CNTNAP4: variants seen among roughly 807,000 people sequenced by gnomAD.
CNTNAP4 encodes contactin-associated protein-like 4.
A neutral mutation model predicts 148.4 loss-of-function variants in CNTNAP4; 98 were observed. The observed-to-expected ratio is 0.66, with a 90% CI of 0.56 to 0.78. CNTNAP4 has a LOEUF of 0.78. Ranked by LOEUF, CNTNAP4 falls within the 30% of genes least tolerant of loss-of-function variation. The probability of loss-of-function intolerance (pLI) is 0.00; values close to 1 mark genes in which losing one functional copy is unlikely to be tolerated. For synonymous variants in CNTNAP4, 730 were observed against 565.1 expected (o/e 1.29, Z -4.14); for missense variants, 1,935 against 1,565.6 (o/e 1.24, Z -3.98).
At position 76,507,944 on chromosome 16, in the gene CNTNAP4, A is replaced by T. The variant is rs541058586; in HGVS notation, c.2365+9250A>T. Among the ~76,000 whole-genome samples the T allele has an allele frequency of 1.1e-3, 103 of 96,906 alleles. 43 individuals carry two copies. Among genetic ancestry groups the T allele is most frequent in the Non-Finnish European group, 2.5e-3 (85 of 34,180 alleles). The allele number at this position is 96,906 out of a possible 152,430, so 63.6% of individuals were successfully genotyped here. On this transcript the variant is annotated intron_variant, in intron 15 of 23. Transcript: ENST00000611870. ...TAATTCTTTTACCAAACCCTTTCAC[A>T]CTCAGATTAAAACTCTTCCACCATG...
intron 2 of CNTNAP4, among the ~76,000 whole-genome samples, chr16:76,317,508 A>AC (rs2144104339): frequency 6.6e-6 from 1 of 152,344 alleles, no homozygotes; most frequent in Non-Finnish European, 1.5e-5. Context: ...TTGGAGGAAA[A>AC]CACGCTTGGC....
At chr16:76,548,222 C>T (rs138491589) in intron 21 of CNTNAP4, among the ~76,000 whole-genome samples, 1 of 151,422 alleles carries the variant, frequency 6.6e-6, no homozygotes, top group Admixed American at 6.6e-5. Flanking sequence ...TGTGTTGAGT[C>T]CCTGGTGGAA....
At chr16:76,460,021 GA>G (rs1411215815) in intron 8 of CNTNAP4, among the ~76,000 whole-genome samples, 3 of 152,084 alleles carry the variant, frequency 2.0e-5, no homozygotes, top group Admixed American at 2.0e-4. Context: ...TATAAACTTG[GA>G]AAATATGTAA....
At chr16:76,463,591 C>G (rs1455533580) in intron 9 of CNTNAP4, among the ~76,000 whole-genome samples, 4 of 152,052 alleles carry the variant, frequency 2.6e-5, no homozygotes, top group African/African-American at 9.7e-5. Context: ...AGAAAAGTTG[C>G]AAAAATATAG....
chr16:76,324,055 G>C (rs1469466981), intron 2 of CNTNAP4, among the ~76,000 whole-genome samples: 1 of 152,102 alleles, frequency 6.6e-6, no homozygotes, highest in Non-Finnish European at 1.5e-5. Flanking sequence ...AATCTTTAAA[G>C]CATGTGAGTA....
At chr16:76,429,162 G>A (rs574231663) in intron 4 of CNTNAP4, among the ~76,000 whole-genome samples, 39 of 152,162 alleles carry the variant, frequency 2.6e-4, no homozygotes, top group African/African-American at 6.0e-4. Flanking sequence ...AGTTCCTCAC[G>A]TCACAATTAG....
At chr16:76,323,271 A>G (rs1167028815) in intron 2 of CNTNAP4, among the ~76,000 whole-genome samples, 4 of 144,266 alleles carry the variant, frequency 2.8e-5, no homozygotes, top group African/African-American at 5.2e-5. Context: ...AATTAGGGTG[A>G]TAGGATGGTT....
rs531784340 is a variant in CNTNAP4, at chr16:76,324,482, A to G, written c.196+7959A>G. 3.0e-4 allele frequency among the ~76,000 whole-genome samples: 46 copies of G among 152,246 alleles called. No homozygotes were observed. In the South Asian group the frequency reaches 6.7e-3, roughly 22 times the overall value. ...TTTATGAGGGCATAGCTGCCAGGAG[A>G]AAACAGAGCATGGGGGAAGCAGGTT... On this transcript the variant is annotated intron_variant, in intron 2 of 23. Coordinates refer to ENST00000611870, the MANE Select transcript of CNTNAP4 (RefSeq NM_033401.5).
At chr16:76,465,021 A>G (rs1365593233) in intron 9 of CNTNAP4, among the ~76,000 whole-genome samples, 1 of 152,192 alleles carries the variant, frequency 6.6e-6, no homozygotes, top group Non-Finnish European at 1.5e-5. Flanking sequence ...ACTGTGTGCA[A>G]AATTCTCACA....
intron 3 of CNTNAP4, among the ~76,000 whole-genome samples, chr16:76,393,677 A>G (rs979858929): frequency 1.3e-5 from 2 of 151,782 alleles, no homozygotes; most frequent in Admixed American, 6.6e-5. Context: ...GGATGAAGAC[A>G]TTCCTGGCAG....
rs114580741 is a variant in CNTNAP4 at position 76,556,821 on chromosome 16, A to T, written c.3734-1669A>T. Among the ~76,000 whole-genome samples, 573 of 152,338 alleles carry T rather than the reference A, an allele frequency of 3.8e-3. 4 individuals are homozygous for T. Among genetic ancestry groups the T allele is most frequent in the African/African-American group, 0.013 (547 of 41,584 alleles). ...AGAATTTGGTTACCACATTTATATT[A>T]ATCAGCAACGATTTTCTACCTGTCT... On this transcript the variant is annotated intron_variant, in intron 23 of 23. Transcript: ENST00000611870.
intron 3 of CNTNAP4, among the ~76,000 whole-genome samples, chr16:76,372,022 A>G (rs1023942357): frequency 3.9e-5 from 6 of 152,052 alleles, no homozygotes; most frequent in Non-Finnish European, 8.8e-5. Context: ...GAGTCTCTGC[A>G]TTGCTTTGCA....
At chr16:76,368,487 A>T (rs951288384) in intron 3 of CNTNAP4, among the ~76,000 whole-genome samples, 1 of 152,224 alleles carries the variant, frequency 6.6e-6, no homozygotes, top group Non-Finnish European at 1.5e-5. Context: ...GTGGAATACT[A>T]TGCAGCCCTA....
chr16:76,277,806 C>A (rs1958536489), intron 1 of CNTNAP4, 59 bp downstream of exon 1: 1 of 1,050,828 alleles, frequency 9.5e-7, no homozygotes, highest in Non-Finnish European at 1.4e-6. Context: ...AACTTTGATT[C>A]TGTTGGTTTG....
chr16:76,367,058 TATTA>T (rs1467735859), intron 3 of CNTNAP4, among the ~76,000 whole-genome samples: 2 of 151,726 alleles, frequency 1.3e-5, no homozygotes, highest in Non-Finnish European at 2.9e-5. Flanking sequence ...TATTAATATA[TATTA>T]ATTAAAACTT....
At chr16:76,300,842 T>G (rs1218789123) in intron 1 of CNTNAP4, among the ~76,000 whole-genome samples, 4 of 152,140 alleles carry the variant, frequency 2.6e-5, no homozygotes, top group Non-Finnish European at 5.9e-5. Context: ...TTGCAGTACA[T>G]TAGACACTAT....
chr16:76,411,803 A>G, intron 3 of CNTNAP4, among the ~76,000 whole-genome samples: 1 of 151,406 alleles, frequency 6.6e-6, no homozygotes, highest in Non-Finnish European at 1.5e-5. Flanking sequence ...TTTTCATGTA[A>G]CTTTTTATAA....
intron 13 of CNTNAP4, among the ~76,000 whole-genome samples, chr16:76,490,546 T>A (rs1367776864): frequency 6.6e-6 from 1 of 152,242 alleles, no homozygotes; most frequent in Non-Finnish European, 1.5e-5. Context: ...TTGAAGTCAC[T>A]GCAAGAGCTT....
intron 14 of CNTNAP4, 89 bp from the exon 15 acceptor site, chr16:76,498,478 G>A: frequency 9.1e-7 from 1 of 1,093,104 alleles, no homozygotes; most frequent in East Asian, 2.5e-5. Context: ...TTTTGTAGGT[G>A]CAAATTTAGT....
Sources: gnomAD v4.1 joint callset for allele counts (sites outside exome capture counted in the v4.1 genomes callset) on GRCh38, gnomAD v4.1.1 for gene constraint, MANE v1.5 for transcripts, NCBI Gene and HGNC (gene_info 2026-07-23, HGNC 2026-07-21) for gene names.